GALNTL6: variants seen among roughly 807,000 people sequenced by gnomAD.
GALNTL6 encodes polypeptide N-acetylgalactosaminyltransferase like 6, also known as polypeptide N-acetylgalactosaminyltransferase-like 6.
GALNTL6 carries 46 observed loss-of-function variants against 73.7 expected under a neutral mutation model. The observed-to-expected ratio is 0.62, with a 90% CI of 0.49 to 0.80. The LOEUF (loss-of-function observed/expected upper bound fraction) is 0.80. Ranked by LOEUF, GALNTL6 falls within the 30% of genes least tolerant of loss-of-function variation. The pLI, the probability that GALNTL6 is intolerant of heterozygous loss-of-function variation, is 0.00. For synonymous variants in GALNTL6, 259 were observed against 263.7 expected, an observed-to-expected ratio of 0.98 and a Z score of 0.17; for missense variants, 604 against 755.0, an observed-to-expected ratio of 0.80 and a Z score of 2.34.
At chr4:172,676,476 G>A (rs1041483153) in intron 5 of GALNTL6, among the ~76,000 whole-genome samples, 3 of 152,172 alleles carry the variant, frequency 2.0e-5, no homozygotes, top group Admixed American at 6.5e-5. Context: ...GCCAGATTGG[G>A]TGCTACTCTC....
At chr4:172,045,213 G>A (rs1444314758) in intron 2 of GALNTL6, among the ~76,000 whole-genome samples, 1 of 151,948 alleles carries the variant, frequency 6.6e-6, no homozygotes, top group Non-Finnish European at 1.5e-5. Context: ...CTGTAATACA[G>A]TAGAGCACTG....
intron 2 of GALNTL6, among the ~76,000 whole-genome samples, chr4:172,175,770 C>A (rs1437315189): frequency 1.3e-5 from 2 of 152,082 alleles, no homozygotes; most frequent in African/African-American, 4.8e-5. Flanking sequence ...TTCTATCCTG[C>A]AATTTTCTAT....
At chr4:173,024,604 C>T (rs749306323) in intron 12 of GALNTL6, among the ~76,000 whole-genome samples, 9 of 152,086 alleles carry the variant, frequency 5.9e-5, no homozygotes, top group African/African-American at 1.4e-4. Context: ...TTTTTTGAGA[C>T]GGAGTTTTGC....
At chr4:172,442,153 T>C (rs1731858946) in intron 5 of GALNTL6, among the ~76,000 whole-genome samples, 1 of 152,174 alleles carries the variant, frequency 6.6e-6, no homozygotes, top group African/African-American at 2.4e-5. Context: ...ATCCTAACCT[T>C]GTATTTCCCC....
chr4:172,156,572 C>T (rs5021105), intron 2 of GALNTL6, among the ~76,000 whole-genome samples: 17 of 122,490 alleles, frequency 1.4e-4, no homozygotes, highest in African/African-American at 3.6e-4. Context: ...TATATACATA[C>T]TATATATATA....
At chr4:172,780,260 T>C (rs1739305985) in intron 5 of GALNTL6, among the ~76,000 whole-genome samples, 2 of 152,182 alleles carry the variant, frequency 1.3e-5, no homozygotes, top group African/African-American at 2.4e-5. Context: ...CTATTCAGAA[T>C]TGCCTTCAAG....
chr4:171,921,677 T>G (rs1016918831), intron 2 of GALNTL6, among the ~76,000 whole-genome samples: 2 of 152,098 alleles, frequency 1.3e-5, no homozygotes, highest in African/African-American at 4.8e-5. Flanking sequence ...CAATTTTTAT[T>G]GCAAATTATT....
At chr4:172,661,138 C>T (rs992157492) in intron 5 of GALNTL6, among the ~76,000 whole-genome samples, 2 of 152,148 alleles carry the variant, frequency 1.3e-5, no homozygotes, top group African/African-American at 4.8e-5. Flanking sequence ...AATTACTGGA[C>T]TTTGACTAAA....
At chr4:172,251,879 G>T (rs1413101791) in intron 3 of GALNTL6, among the ~76,000 whole-genome samples, 2 of 152,020 alleles carry the variant, frequency 1.3e-5, no homozygotes, top group African/African-American at 4.8e-5. Context: ...CAGCCAAAAA[G>T]CATCCTAAAA....
chr4:171,824,608 C>T lies in GALNTL6; in HGVS notation c.138+9890C>T, dbSNP rs1039188330. Among the ~76,000 whole-genome samples, 7 of 151,960 alleles carry T rather than the reference C, an allele frequency of 4.6e-5. No individual in the cohort carries two copies. In the South Asian group the frequency reaches 1.2e-3, roughly 27 times the overall value. The stretch of plus-strand genomic sequence containing the variant: ...TTGGAAAAAGAGAAAAAGCATGTTC[C>T]TATTATTACTTGTTAGAATTCTAGA... On this transcript the variant is annotated intron_variant, in intron 2 of 12. Transcript: ENST00000506823.
chr4:172,041,656 C>A (rs927982322), intron 2 of GALNTL6, among the ~76,000 whole-genome samples: 1 of 151,878 alleles, frequency 6.6e-6, no homozygotes, highest in African/African-American at 2.4e-5. Flanking sequence ...ATTAAATAAA[C>A]ACATTGATTA....
intron 2 of GALNTL6, chr4:171,815,092 T>C: frequency 3.0e-6 from 1 of 330,962 alleles, no homozygotes; most frequent in Non-Finnish European, 5.4e-6. Flanking sequence ...CCATTTGGCA[T>C]GCATGTCTAT....
intron 2 of GALNTL6, among the ~76,000 whole-genome samples, chr4:172,091,469 A>C (rs1579129152): frequency 6.6e-6 from 1 of 152,232 alleles, no homozygotes; most frequent in East Asian, 1.9e-4. Context: ...TTCTTTACCC[A>C]ACTCTAAGAC....
chr4:172,245,212 G>A (rs941416639), intron 3 of GALNTL6, among the ~76,000 whole-genome samples: 1 of 152,062 alleles, frequency 6.6e-6, no homozygotes, highest in African/African-American at 2.4e-5. Flanking sequence ...GCTGCTAAAT[G>A]AGGCCAAAAT....
chr4:172,676,763 T>C (rs1275614989), intron 5 of GALNTL6, among the ~76,000 whole-genome samples: 2 of 152,220 alleles, frequency 1.3e-5, no homozygotes, highest in East Asian at 3.8e-4. Flanking sequence ...ACTTTCCGAT[T>C]TCTCCTGAGT....
chr4:172,405,943 A>C (rs1744225011), intron 5 of GALNTL6, among the ~76,000 whole-genome samples: 1 of 151,990 alleles, frequency 6.6e-6, no homozygotes, highest in Non-Finnish European at 1.5e-5. Flanking sequence ...CTAATGTGTT[A>C]ATTAATTTTT....
intron 2 of GALNTL6, among the ~76,000 whole-genome samples, chr4:171,920,382 TA>T (rs951727403): frequency 4.7e-4 from 69 of 146,882 alleles, no homozygotes; most frequent in African/African-American, 1.6e-3. Context: ...AAGTATAATT[TA>T]AAAAAAAAAG....
chr4:172,093,991 C>T (rs1012514942), intron 2 of GALNTL6, among the ~76,000 whole-genome samples: 8 of 152,202 alleles, frequency 5.3e-5, no homozygotes, highest in Admixed American at 5.2e-4. Flanking sequence ...ATCATCTCCA[C>T]TGCCCCGGTC....
At chr4:172,399,360 T>C (rs7661068) in intron 5 of GALNTL6, among the ~76,000 whole-genome samples, 122,419 of 151,838 alleles carry the variant, frequency 0.81, 50,266 homozygotes, top group Non-Finnish European at 0.88. Flanking sequence ...TTAATATTTA[T>C]ATTTTTATTA....
Sources: allele counts gnomAD v4.1 joint callset (sites outside exome capture counted in the v4.1 genomes callset), GRCh38; gene constraint gnomAD v4.1.1; transcripts MANE v1.5; gene names NCBI Gene and HGNC (gene_info 2026-07-23, HGNC 2026-07-21).